TAFA4: variants seen among roughly 807,000 people sequenced by gnomAD.
The protein encoded by TAFA4 is chemokine-like protein TAFA-4.
In TAFA4, 20 loss-of-function variants were observed where a neutral mutation model predicts 21.1. The ratio of observed to expected loss-of-function variants is 0.95; its 90% confidence interval spans 0.67 to 1.38. TAFA4 has a LOEUF of 1.38. Among genes scored for constraint, TAFA4 ranks in the 40% most tolerant of loss-of-function variants. TAFA4 has a pLI of 0.00. For synonymous variants in TAFA4, 71 were observed against 67.4 expected (o/e 1.05, Z -0.26); for missense variants, 211 against 180.9 (o/e 1.17, Z -0.95).
At chr3:68,781,314 AAAT>A (rs1414808447) in intron 3 of TAFA4, among the ~76,000 whole-genome samples, 1 of 151,332 alleles carries the variant, frequency 6.6e-6, no homozygotes, top group Non-Finnish European at 1.5e-5. Flanking sequence ...AAAAAGAGAA[AAAT>A]AATTAAAAAC....
intron 3 of TAFA4, among the ~76,000 whole-genome samples, chr3:68,826,340 G>A (rs1008912851): frequency 4.6e-5 from 7 of 152,190 alleles, no homozygotes; most frequent in East Asian, 1.9e-4. Context: ...TTGGGAGGCC[G>A]AGGCAGGCAG....
At position 68,752,879 on chromosome 3, in the gene TAFA4, T is replaced by C. The variant is rs1342679315; in HGVS notation, c.270A>G (p.Gln90=). Residue 90 remains glutamine (Q), a synonymous_variant, in exon 4 of 6, where the codon CAA becomes CAG. Coordinates refer to ENST00000295569, the MANE Select transcript of TAFA4 (RefSeq NM_182522.5). ...AGGTCTTACCTTCAACACAAGAAGG[T>C]TGAGCCCGAGTTGTGCCCGCCACCT... ...PGQVAGTTRA[Q]PSCVEASIVI... is the part of the protein sequence containing the mutation. The C allele has an allele frequency of 6.2e-7, 1 of 1,614,082 alleles. No individual in the cohort carries two copies. Among genetic ancestry groups the C allele is most frequent in the African/African-American group, 1.3e-5 (1 of 75,016 alleles).
At chr3:68,816,467 A>G (rs1027527255) in intron 3 of TAFA4, among the ~76,000 whole-genome samples, 3 of 152,176 alleles carry the variant, frequency 2.0e-5, no homozygotes, top group Non-Finnish European at 4.4e-5. Flanking sequence ...TATTTTTTGT[A>G]GCTACTATAA....
intron 3 of TAFA4, among the ~76,000 whole-genome samples, chr3:68,785,101 T>A (rs9822359): frequency 0.27 from 41,239 of 151,222 alleles, 6,745 homozygotes; most frequent in Non-Finnish European, 0.39. Context: ...ATTGGTGCAT[T>A]CACAAACCCT....
chr3:68,769,385 C>T (rs1393604707), intron 3 of TAFA4, among the ~76,000 whole-genome samples: 1 of 152,120 alleles, frequency 6.6e-6, no homozygotes, highest in Non-Finnish European at 1.5e-5. Flanking sequence ...ATAAAGTGCA[C>T]AATAAATGTA....
At chr3:68,758,622 T>C (rs1702704209) in intron 3 of TAFA4, among the ~76,000 whole-genome samples, 1 of 152,202 alleles carries the variant, frequency 6.6e-6, no homozygotes, top group Non-Finnish European at 1.5e-5. Context: ...TAAATTACCA[T>C]GTCTTTATTA....
At chr3:68,755,769 A>C (rs1383590297) in intron 3 of TAFA4, among the ~76,000 whole-genome samples, 1 of 152,206 alleles carries the variant, frequency 6.6e-6, no homozygotes, top group Non-Finnish European at 1.5e-5. Flanking sequence ...CCGAGTCAGT[A>C]AACTTGCAAA....
At chr3:68,809,183 G>T (rs1397000544) in intron 3 of TAFA4, among the ~76,000 whole-genome samples, 9 of 152,212 alleles carry the variant, frequency 5.9e-5, no homozygotes, top group African/African-American at 2.2e-4. Context: ...TTCATGGTTA[G>T]CAACAATCCA....
intron 3 of TAFA4, among the ~76,000 whole-genome samples, chr3:68,805,104 C>A (rs1002166702): frequency 6.6e-6 from 1 of 151,934 alleles, no homozygotes; most frequent in African/African-American, 2.4e-5. Context: ...AACAAATTTA[C>A]AGGAAAAAAA....
At chr3:68,868,536 A>G (rs1349920803) in intron 3 of TAFA4, among the ~76,000 whole-genome samples, 1 of 152,032 alleles carries the variant, frequency 6.6e-6, no homozygotes, top group Non-Finnish European at 1.5e-5. Context: ...AAAAACTAAA[A>G]ATGATATCAA....
At chr3:68,923,647 AT>A (rs1341820317) in intron 1 of TAFA4, among the ~76,000 whole-genome samples, 1 of 152,146 alleles carries the variant, frequency 6.6e-6, no homozygotes, top group African/African-American at 2.4e-5. Context: ...TTTTGATAAA[AT>A]ACCAATTTCA....
chr3:68,866,430 T>C (rs1015464540), intron 3 of TAFA4, among the ~76,000 whole-genome samples: 2 of 151,670 alleles, frequency 1.3e-5, no homozygotes, highest in African/African-American at 4.8e-5. Context: ...GCAAAGAACC[T>C]CTAAGCAAAC....
chr3:68,859,958 C>T (rs1209505277), intron 3 of TAFA4, among the ~76,000 whole-genome samples: 2 of 152,126 alleles, frequency 1.3e-5, no homozygotes, highest in African/African-American at 4.8e-5. Flanking sequence ...AACATGTACT[C>T]CATTGTACCT....
chr3:68,747,932 G>A (rs1364750133), intron 4 of TAFA4, among the ~76,000 whole-genome samples: 2 of 152,162 alleles, frequency 1.3e-5, no homozygotes, highest in South Asian at 2.1e-4. Flanking sequence ...TCTAGTTCCC[G>A]AGTTAGCCCC....
intron 3 of TAFA4, among the ~76,000 whole-genome samples, chr3:68,792,113 G>A (rs1269084814): frequency 1.3e-5 from 2 of 152,078 alleles, no homozygotes; most frequent in Non-Finnish European, 2.9e-5. Context: ...TTAGAAACAT[G>A]CCATCAAAAC....
chr3:68,797,416 A>G (rs1361223038), intron 3 of TAFA4, among the ~76,000 whole-genome samples: 1 of 152,066 alleles, frequency 6.6e-6, no homozygotes, highest in African/African-American at 2.4e-5. Context: ...GAACGAGACC[A>G]TCCTGGCTAA....
At chr3:68,803,765 C>A (rs1703625354) in intron 3 of TAFA4, among the ~76,000 whole-genome samples, 1 of 144,870 alleles carries the variant, frequency 6.9e-6, no homozygotes, top group African/African-American at 2.5e-5. Flanking sequence ...TCAAGAGGCT[C>A]AGGGCCTTTA....
intron 3 of TAFA4, among the ~76,000 whole-genome samples, chr3:68,861,525 A>G (rs150215343): frequency 3.0e-4 from 45 of 151,894 alleles, no homozygotes; most frequent in African/African-American, 9.9e-4. Flanking sequence ...GACAGACACA[A>G]ATTATTTTCT....
chr3:68,818,528 A>G (rs1704038816), intron 3 of TAFA4, among the ~76,000 whole-genome samples: 1 of 152,148 alleles, frequency 6.6e-6, no homozygotes, highest in Non-Finnish European at 1.5e-5. Context: ...CTTTCTCACT[A>G]AGCTTTATCA....
Sources: gnomAD v4.1 joint callset for allele counts (sites outside exome capture counted in the v4.1 genomes callset) on GRCh38, gnomAD v4.1.1 for gene constraint, MANE v1.5 for transcripts, NCBI Gene and HGNC (gene_info 2026-07-23, HGNC 2026-07-21) for gene names.